USP54: variants seen among roughly 807,000 people sequenced by gnomAD.
USP54 encodes ubiquitin carboxyl-terminal hydrolase 54.
Under a neutral mutation model 170.5 loss-of-function variants are expected in USP54, and 87 were observed. That is an observed-to-expected ratio of 0.51 (90% CI 0.43 to 0.61). The LOEUF is 0.61. Among genes scored for constraint, USP54 ranks in the 20% least tolerant of loss-of-function variants. USP54 has a pLI of 0.00. For synonymous variants in USP54, 655 were observed against 742.8 expected (o/e 0.88, Z 1.92); for missense variants, 1,786 against 2,047.8 (o/e 0.87, Z 2.47).
intron 4 of USP54, among the ~76,000 whole-genome samples, chr10:73,566,668 T>C (rs1243459778): frequency 6.6e-6 from 1 of 151,116 alleles, no homozygotes; most frequent in East Asian, 2.0e-4. Flanking sequence ...GAGGCAGAGG[T>C]TGCAGTGAGC....
chr10:73,533,166 C>T (rs1056784004), intron 12 of USP54, among the ~76,000 whole-genome samples: 1 of 151,950 alleles, frequency 6.6e-6, no homozygotes, highest in Admixed American at 6.6e-5. Context: ...ATTAGCCAGG[C>T]GTGGTGGCGG....
At position 73,504,876 on chromosome 10, in the gene USP54, C is replaced by T; in HGVS notation, c.4285G>A (p.Glu1429Lys). Residue 1429 changes from glutamate (E) to lysine (K), a missense_variant, in exon 22 of 24, where the codon GAA becomes AAA. Physicochemically the swap from Glu to Lys is moderately conservative, Grantham distance 56 (BLOSUM62 1). Around this residue, in one of 3 missense-constraint regions of USP54, gnomAD observed 1,418 missense variants for 1,569.0 expected, o/e 0.90. Transcript: ENST00000687698. ...AAACTGTGGGAAGAAACCGGAGCTT[C>T]CTCCCTCTCTGAGACAACGGTGCCA... ...LSGTVVSERE[E>K]APVSSHSFDS... The T allele has an allele frequency of 1.2e-6, 2 of 1,614,138 alleles. No homozygotes were observed. Among genetic ancestry groups the T allele is most frequent in the East Asian group, 2.2e-5 (1 of 44,884 alleles).
chr10:73,609,755 A>G (rs1178907236), intron 1 of USP54, among the ~76,000 whole-genome samples: 2 of 151,940 alleles, frequency 1.3e-5, no homozygotes, highest in Non-Finnish European at 2.9e-5. Context: ...GAGGAAGGAG[A>G]AGCGCTTGAG....
At chr10:73,571,907 T>G (rs1035024106) in intron 3 of USP54, among the ~76,000 whole-genome samples, 8 of 152,200 alleles carry the variant, frequency 5.3e-5, no homozygotes, top group African/African-American at 1.9e-4. Flanking sequence ...TGAGCTGTAG[T>G]GTGGAATTTT....
At chr10:73,553,407 G>T (rs1025267806) in intron 4 of USP54, 2 of 152,228 alleles carry the variant, frequency 1.3e-5, no homozygotes, top group Non-Finnish European at 2.9e-5. Flanking sequence ...TGGAGCTCTG[G>T]AAGAAGCTGT....
At chr10:73,603,608 C>A (rs1274936722) in intron 1 of USP54, among the ~76,000 whole-genome samples, 1 of 151,924 alleles carries the variant, frequency 6.6e-6, no homozygotes, top group Non-Finnish European at 1.5e-5. Context: ...GTTAATCAGG[C>A]GTGGTGGCGC....
At chr10:73,569,331 T>C (rs1382405590) in intron 4 of USP54, among the ~76,000 whole-genome samples, 1 of 152,202 alleles carries the variant, frequency 6.6e-6, no homozygotes, top group African/African-American at 2.4e-5. Flanking sequence ...AATGTATCTT[T>C]CAGAAAATCA....
At chr10:73,527,803 A>G (rs1459691305) in intron 15 of USP54, among the ~76,000 whole-genome samples, 3 of 149,664 alleles carry the variant, frequency 2.0e-5, no homozygotes, top group African/African-American at 7.4e-5. Flanking sequence ...AGTTCAAGAC[A>G]AGCCTGGGCA....
At chr10:73,621,514 G>A (rs1311163293) in intron 1 of USP54, among the ~76,000 whole-genome samples, 5 of 150,692 alleles carry the variant, frequency 3.3e-5, no homozygotes, top group Non-Finnish European at 1.5e-5. Flanking sequence ...GCAGAAGAAT[G>A]GCATGAACCC....
intron 6 of USP54, 36 bp from the exon 7 acceptor site, chr10:73,542,921 A>G: frequency 4.3e-6 from 7 of 1,613,358 alleles, no homozygotes; most frequent in Non-Finnish European, 5.9e-6. Context: ...CCAAGCAACC[A>G]TAATCAGGAA....
At chr10:73,575,460 G>T in intron 3 of USP54, 52 bp downstream of exon 3, 2 of 1,516,774 alleles carry the variant, frequency 1.3e-6, no homozygotes, top group Non-Finnish European at 1.8e-6. Context: ...CAGAAATACA[G>T]CATCAGCAAT....
At chr10:73,561,555 A>G (rs2073065836) in intron 4 of USP54, among the ~76,000 whole-genome samples, 1 of 152,220 alleles carries the variant, frequency 6.6e-6, no homozygotes, top group South Asian at 2.1e-4. Context: ...GGTTTGGCAA[A>G]AGGGAGGCAA....
chr10:73,604,261 A>C (rs904297073), intron 1 of USP54, among the ~76,000 whole-genome samples: 3 of 152,136 alleles, frequency 2.0e-5, no homozygotes, highest in African/African-American at 7.2e-5. Context: ...AAAACAAAAC[A>C]AAACCACACA....
At chr10:73,624,013 A>G (rs2081281665) in intron 1 of USP54, among the ~76,000 whole-genome samples, 2 of 151,882 alleles carry the variant, frequency 1.3e-5, no homozygotes, top group South Asian at 4.2e-4. Context: ...ACCACCACAC[A>G]AAGCTTTATC....
intron 1 of USP54, among the ~76,000 whole-genome samples, chr10:73,615,592 C>T (rs1363353388): frequency 6.7e-6 from 1 of 150,240 alleles, no homozygotes; most frequent in Non-Finnish European, 1.5e-5. Context: ...TAAATATACA[C>T]ACCTACTATG....
intron 11 of USP54, among the ~76,000 whole-genome samples, chr10:73,535,066 T>C (rs2064951181): frequency 6.6e-6 from 1 of 152,100 alleles, no homozygotes; most frequent in Admixed American, 6.5e-5. Context: ...GCAGAAGTGA[T>C]GAAAAAGTTG....
upstream of USP54, chr10:73,625,921 A>T (rs1245028383): frequency 1.5e-5 from 2 of 134,850 alleles, no homozygotes; most frequent in East Asian, 2.4e-4. Flanking sequence ...CGCCCCCCTG[A>T]GGGTGTCGCA....
intron 4 of USP54, among the ~76,000 whole-genome samples, chr10:73,558,433 T>C (rs1266479557): frequency 6.6e-6 from 1 of 152,132 alleles, no homozygotes; most frequent in East Asian, 1.9e-4. Context: ...TACTATACAA[T>C]TGCATACAGG....
At chr10:73,589,405 A>C (rs1019787526) in intron 1 of USP54, among the ~76,000 whole-genome samples, 9 of 152,216 alleles carry the variant, frequency 5.9e-5, no homozygotes, top group African/African-American at 2.2e-4. Flanking sequence ...TAGTAATAGC[A>C]GTGGTTAAAG....
Sources: allele counts gnomAD v4.1 joint callset (sites outside exome capture counted in the v4.1 genomes callset), GRCh38; gene constraint gnomAD v4.1.1; regional missense constraint gnomAD v4.1.1; transcripts MANE v1.5; gene names NCBI Gene and HGNC (gene_info 2026-07-23, HGNC 2026-07-21).